FER: variants seen among roughly 807,000 people sequenced by gnomAD.
FER encodes the protein tyrosine-protein kinase Fer.
A neutral mutation model predicts 111.0 loss-of-function variants in FER; 63 were observed. The ratio of observed to expected loss-of-function variants is 0.57; its 90% CI spans 0.46 to 0.70. The LOEUF is 0.70. FER is among the 30% of genes least tolerant of loss of function. The pLI is 0.00. For missense variants in FER, 914 were observed against 954.0 expected, an observed-to-expected ratio of 0.96 and a Z score of 0.55; for synonymous variants, 327 against 313.9, an observed-to-expected ratio of 1.04 and a Z score of -0.44.
chr5:108,789,625 T>A (rs549638351), intron 2 of FER, among the ~76,000 whole-genome samples: 3 of 152,142 alleles, frequency 2.0e-5, no homozygotes, highest in African/African-American at 7.2e-5. Flanking sequence ...TTTTTTTTTT[T>A]TAAAAGACAG....
intron 1 of FER, among the ~76,000 whole-genome samples, chr5:108,764,636 A>G (rs1752115963): frequency 6.6e-6 from 1 of 152,178 alleles, no homozygotes; most frequent in Admixed American, 6.5e-5. Flanking sequence ...ACCTCAGGTG[A>G]TCCACCCACC....
At position 109,164,593 on chromosome 5, in the gene FER, C is replaced by T. The variant is rs147711321; in HGVS notation, c.2049-16154C>T. On this transcript the variant is annotated intron_variant, in intron 17 of 19. Coordinates refer to ENST00000281092, the MANE Select transcript of FER (RefSeq NM_005246.4). ...TATGTGTCTTGATTCTTGTTGTTTT[C>T]ACTATATTTGCTGCATTTGCCATTT... Among the ~76,000 whole-genome samples the T allele has an allele frequency of 1.7e-3, 252 of 152,216 alleles. 2 individuals are homozygous for T. In the Middle Eastern group the frequency reaches 0.02, roughly 12 times the overall value.
chr5:109,068,074 G>A (rs1324157126), intron 16 of FER, among the ~76,000 whole-genome samples: 1 of 151,686 alleles, frequency 6.6e-6, no homozygotes, highest in Non-Finnish European at 1.5e-5. Flanking sequence ...CAAATTTATT[G>A]TATTCCAGAA....
intron 5 of FER, among the ~76,000 whole-genome samples, chr5:108,849,642 A>T (rs1260473891): frequency 1.3e-5 from 2 of 152,124 alleles, no homozygotes; most frequent in Non-Finnish European, 2.9e-5. Context: ...CAGTTCTAAC[A>T]TCTGTGTCAG....
intron 13 of FER, among the ~76,000 whole-genome samples, chr5:108,972,511 A>G (rs1484211162): frequency 3.9e-5 from 6 of 152,162 alleles, no homozygotes; most frequent in Admixed American, 3.9e-4. Context: ...CTCAGCTTAC[A>G]TTGATCTTTG....
chr5:109,179,900 C>T (rs1277758229), intron 17 of FER, among the ~76,000 whole-genome samples: 1 of 152,052 alleles, frequency 6.6e-6, no homozygotes, highest in Non-Finnish European at 1.5e-5. Context: ...GAATGTCCTC[C>T]CCACCAGAAA....
intron 17 of FER, among the ~76,000 whole-genome samples, chr5:109,108,282 C>T (rs375636923): frequency 2.0e-5 from 3 of 152,002 alleles, no homozygotes; most frequent in African/African-American, 7.2e-5. Context: ...AAGATTCAGG[C>T]CTATTCTGAG....
At chr5:109,166,748 T>C (rs1756597817) in intron 17 of FER, among the ~76,000 whole-genome samples, 2 of 152,178 alleles carry the variant, frequency 1.3e-5, no homozygotes, top group South Asian at 4.1e-4. Context: ...CTGGAGAGTA[T>C]AACATACCCT....
chr5:108,933,044 G>T (rs1246758845), intron 10 of FER, among the ~76,000 whole-genome samples: 1 of 152,026 alleles, frequency 6.6e-6, no homozygotes, highest in African/African-American at 2.4e-5. Context: ...TTTGTAGGTT[G>T]CCTGTTCACT....
intron 13 of FER, among the ~76,000 whole-genome samples, chr5:109,031,239 T>G (rs1415424731): frequency 6.6e-6 from 1 of 152,064 alleles, no homozygotes; most frequent in Non-Finnish European, 1.5e-5. Flanking sequence ...ATGGAAGACA[T>G]CCTGCCACTA....
chr5:109,163,229 C>CT (rs1561976726), intron 17 of FER, among the ~76,000 whole-genome samples: 1 of 149,646 alleles, frequency 6.7e-6, no homozygotes, highest in Non-Finnish European at 1.5e-5. Context: ...TTAGTTTATG[C>CT]TTTTTTATTT....
chr5:108,814,983 A>C (rs1400004572), intron 3 of FER, among the ~76,000 whole-genome samples: 1 of 151,974 alleles, frequency 6.6e-6, no homozygotes, highest in East Asian at 1.9e-4. Context: ...TTCTCTGAGC[A>C]CTTGTTTACT....
At chr5:109,061,882 C>T (rs1401109352) in intron 16 of FER, among the ~76,000 whole-genome samples, 1 of 152,102 alleles carries the variant, frequency 6.6e-6, no homozygotes, top group African/African-American at 2.4e-5. Flanking sequence ...TAACTGAGCC[C>T]TTTTGGAATC....
chr5:108,851,736 C>G (rs1042649422), intron 5 of FER, among the ~76,000 whole-genome samples: 3 of 152,064 alleles, frequency 2.0e-5, no homozygotes, highest in African/African-American at 7.2e-5. Flanking sequence ...TTAAAAATAA[C>G]TACCTTGTAA....
At chr5:109,026,700 T>C (rs1768786838) in intron 13 of FER, among the ~76,000 whole-genome samples, 1 of 152,144 alleles carries the variant, frequency 6.6e-6, no homozygotes, top group African/African-American at 2.4e-5. Flanking sequence ...TTCTTTCTTT[T>C]TTGTTGTTGT....
chr5:108,773,366 G>A (rs549791614), intron 2 of FER, among the ~76,000 whole-genome samples: 1 of 151,854 alleles, frequency 6.6e-6, no homozygotes, highest in Non-Finnish European at 1.5e-5. Context: ...TGTCCCACAG[G>A]CCCCAGTGGG....
chr5:108,862,262 C>CA (rs757719287), intron 5 of FER, among the ~76,000 whole-genome samples: 1 of 152,096 alleles, frequency 6.6e-6, no homozygotes, highest in Non-Finnish European at 1.5e-5. Context: ...GGCTGTTTGT[C>CA]ATATACTATA....
intron 16 of FER, among the ~76,000 whole-genome samples, chr5:109,080,399 T>G (rs1776851913): frequency 6.6e-6 from 1 of 152,084 alleles, no homozygotes; most frequent in East Asian, 1.9e-4. Context: ...AGATAATAAA[T>G]TAATTAAAAA....
intron 16 of FER, among the ~76,000 whole-genome samples, chr5:109,064,316 C>G (rs1270156976): frequency 6.6e-6 from 1 of 151,898 alleles, no homozygotes; most frequent in Non-Finnish European, 1.5e-5. Context: ...CTTAGTAGGC[C>G]ACTGTTTTTT....
Sources: gnomAD v4.1 joint callset for allele counts (sites outside exome capture counted in the v4.1 genomes callset) on GRCh38, gnomAD v4.1.1 for gene constraint, MANE v1.5 for transcripts, NCBI Gene and HGNC (gene_info 2026-07-23, HGNC 2026-07-21) for gene names.